Variants in FAM78B observed in about 807,000 individuals in gnomAD.
FAM78B encodes the protein protein FAM78B.
A neutral mutation model predicts 20.0 loss-of-function variants in FAM78B; 10 were observed. The observed-to-expected ratio is 0.50, with a 90% CI of 0.31 to 0.85. FAM78B has a LOEUF of 0.85. Among genes scored for constraint, FAM78B ranks in the 40% least tolerant of loss-of-function variants. The probability of loss-of-function intolerance (pLI) is 0.05; values close to 1 mark genes in which losing one functional copy is unlikely to be tolerated. For missense variants in FAM78B, 283 were observed against 345.0 expected (o/e 0.82, Z 1.42); for synonymous variants, 135 against 132.8 (o/e 1.02, Z -0.12).
intron 1 of FAM78B, among the ~76,000 whole-genome samples, chr1:166,106,575 A>T (rs1653796083): frequency 6.6e-6 from 1 of 152,168 alleles, no homozygotes; most frequent in South Asian, 2.1e-4. Context: ...CATTTAAGTG[A>T]ATTTAAGAGC....
chr1:166,146,609 T>C (rs925249569), intron 1 of FAM78B, among the ~76,000 whole-genome samples: 2 of 152,024 alleles, frequency 1.3e-5, no homozygotes, highest in Non-Finnish European at 2.9e-5. Context: ...CCTATGGTAG[T>C]CTCCCCACAT....
intron 1 of FAM78B, among the ~76,000 whole-genome samples, chr1:166,079,189 C>T (rs1447889726): frequency 7.9e-5 from 12 of 152,104 alleles, no homozygotes; most frequent in African/African-American, 1.7e-4. Flanking sequence ...TGCCTCCGCC[C>T]GCCAAGTTGC....
chr1:166,130,270 A>G (rs1654824206), intron 1 of FAM78B, among the ~76,000 whole-genome samples: 1 of 152,272 alleles, frequency 6.6e-6, no homozygotes, highest in African/African-American at 2.4e-5. Flanking sequence ...GAAAGCATGG[A>G]CGTAACAAGT....
At chr1:166,072,790 C>G (rs575167784) in intron 1 of FAM78B, among the ~76,000 whole-genome samples, 10 of 152,224 alleles carry the variant, frequency 6.6e-5, no homozygotes, top group Admixed American at 6.5e-4. Flanking sequence ...TGCTCTCCCC[C>G]GCTACACACA....
chr1:166,100,056 G>A (rs1653450524), intron 1 of FAM78B, among the ~76,000 whole-genome samples: 1 of 152,182 alleles, frequency 6.6e-6, no homozygotes, highest in Non-Finnish European at 1.5e-5. Context: ...ATTATATCAA[G>A]CACTCTCTCA....
chr1:166,065,635 G>T (rs1035690913), downstream of FAM78B, among the ~76,000 whole-genome samples: 1 of 152,198 alleles, frequency 6.6e-6, no homozygotes, highest in Non-Finnish European at 1.5e-5. Flanking sequence ...CCTGGGTGGG[G>T]ATGACACTCC....
At chr1:166,126,922 A>G (rs757267643) in intron 1 of FAM78B, among the ~76,000 whole-genome samples, 14 of 152,312 alleles carry the variant, frequency 9.2e-5, no homozygotes, top group Non-Finnish European at 1.5e-4. Context: ...AAGATGTTTC[A>G]TGGTATCTTC....
intron 1 of FAM78B, among the ~76,000 whole-genome samples, chr1:166,110,436 A>G (rs184900663): frequency 1.3e-5 from 2 of 152,048 alleles, no homozygotes; most frequent in Non-Finnish European, 2.9e-5. Flanking sequence ...TGTTTTGGAC[A>G]TTACTCATTA....
At chr1:166,080,065 T>TG (rs1001058528) in intron 1 of FAM78B, among the ~76,000 whole-genome samples, 2 of 152,230 alleles carry the variant, frequency 1.3e-5, no homozygotes, top group African/African-American at 4.8e-5. Context: ...GTAGGGAACT[T>TG]GCTCAAGATC....
rs539198850 is a variant in FAM78B at position 166,131,823 on chromosome 1, G to A, written c.263+34163C>T. On this transcript the variant is annotated intron_variant, in intron 1 of 1. Coordinates refer to ENST00000354422, the MANE Select transcript of FAM78B (RefSeq NM_001017961.5). ...GAGGTCCTGAACTGAAGACCCCAGC[G>A]GCAGGGCTGTCTAGGGGTGGGAGAT... Among the ~76,000 whole-genome samples, 50 of 152,312 alleles carry A rather than the reference G, an allele frequency of 3.3e-4. 1 individual carries two copies. The Middle Eastern group carries it at 0.014, about 41-fold the overall frequency.
At chr1:166,092,040 T>C (rs889950191) in intron 1 of FAM78B, among the ~76,000 whole-genome samples, 3 of 149,868 alleles carry the variant, frequency 2.0e-5, no homozygotes, top group Admixed American at 2.0e-4. Flanking sequence ...TCATTTTTTT[T>C]TTTTTTTTTT....
intron 1 of FAM78B, among the ~76,000 whole-genome samples, chr1:166,142,156 A>C (rs1655304390): frequency 6.6e-6 from 1 of 152,208 alleles, no homozygotes; most frequent in Non-Finnish European, 1.5e-5. Context: ...AGCTATACCC[A>C]GGCAGGTCAC....
At chr1:166,103,704 ATAAT>A (rs1279568427) in intron 1 of FAM78B, among the ~76,000 whole-genome samples, 3 of 152,250 alleles carry the variant, frequency 2.0e-5, no homozygotes, top group Non-Finnish European at 1.5e-5. Flanking sequence ...AATTGAGGCA[ATAAT>A]TAATAGCTTA....
intron 1 of FAM78B, among the ~76,000 whole-genome samples, chr1:166,084,237 A>ACACACACACTCTCTCTCTCT (rs771421402): frequency 6.4e-5 from 8 of 125,470 alleles, no homozygotes; most frequent in African/African-American, 2.0e-4. Context: ...ACACACACAC[A>ACACACACACTCTCTCTCTCT]CTCTCTCTCT....
At chr1:166,161,183 C>T (rs1021824138) in intron 1 of FAM78B, among the ~76,000 whole-genome samples, 4 of 151,590 alleles carry the variant, frequency 2.6e-5, no homozygotes, top group Non-Finnish European at 4.4e-5. Flanking sequence ...AACAGACTCT[C>T]GCTCTGTCAG....
chr1:166,166,443 G>A lies in FAM78B; in HGVS notation c.-195C>T. ...CTTGCAGCCGCGCGGGGTCCCCGCT[G>A]CCCCGACGTCCGCCCACGCCCGCCC... On this transcript the variant is annotated 5_prime_UTR_variant, in exon 1 of 2. The change creates a premature stop within an existing upstream ORF in the 5' untranslated region. Coordinates refer to ENST00000354422, the MANE Select transcript of FAM78B (RefSeq NM_001017961.5). The A allele has an allele frequency of 3.6e-6, 1 of 274,648 alleles. No individual in the cohort carries two copies. Among genetic ancestry groups the A allele is most frequent in the Non-Finnish European group, 5.6e-6 (1 of 178,056 alleles). 17.0% of individuals were successfully genotyped at this position (274,648 alleles called of 1,614,324 possible). A position where few individuals can be genotyped will look rare whatever the true frequency, so the allele number is the denominator to read the frequency against.
intron 1 of FAM78B, among the ~76,000 whole-genome samples, chr1:166,147,051 T>C (rs1655481267): frequency 6.6e-6 from 1 of 152,206 alleles, no homozygotes; most frequent in African/African-American, 2.4e-5. Flanking sequence ...GGTACTCACT[T>C]GACTGGAGTT....
At chr1:166,132,108 T>A (rs566920148) in intron 1 of FAM78B, among the ~76,000 whole-genome samples, 9 of 152,370 alleles carry the variant, frequency 5.9e-5, no homozygotes, top group African/African-American at 1.9e-4. Context: ...AGCAACAGGC[T>A]ATGAAGACTG....
chr1:166,107,657 C>T (rs1364069659), intron 1 of FAM78B, among the ~76,000 whole-genome samples: 2 of 152,036 alleles, frequency 1.3e-5, no homozygotes, highest in Non-Finnish European at 2.9e-5. Flanking sequence ...CCAGTATCAC[C>T]CTAATACCAA....
Sources: allele counts gnomAD v4.1 joint callset (sites outside exome capture counted in the v4.1 genomes callset), GRCh38; gene constraint gnomAD v4.1.1; transcripts MANE v1.5; gene names NCBI Gene and HGNC (gene_info 2026-07-23, HGNC 2026-07-21).